DYNC1H1: variants seen among roughly 807,000 people sequenced by gnomAD.
DYNC1H1 encodes cytoplasmic dynein 1 heavy chain 1.
Under a neutral mutation model 527.1 loss-of-function variants are expected in DYNC1H1, and 51 were observed. The ratio of observed to expected loss-of-function variants is 0.10; its 90% confidence interval spans 0.08 to 0.12. The LOEUF is 0.12. DYNC1H1 is among the 10% of genes least tolerant of loss of function. The pLI, the probability that DYNC1H1 is intolerant of heterozygous loss-of-function variation, is 1.00. For synonymous variants in DYNC1H1, 2,189 were observed against 2,278.8 expected (o/e 0.96, Z 1.12); for missense variants, 2,771 against 5,971.8 (o/e 0.46, Z 17.66).
In DYNC1H1 at chr14:102,005,615, A is replaced by G. The variant is rs1045083089; in HGVS notation, c.5434-273A>G. On this transcript the variant is annotated intron_variant, in intron 26 of 77. Coordinates refer to ENST00000360184, the MANE Select transcript of DYNC1H1 (RefSeq NM_001376.5). The surrounding 1 kb of genome is among the most constrained non-coding windows in gnomAD (Gnocchi z 4.0). ...ATAGACGTCAGAAAGCTAGTCTTCCATGATGTTTTAGAATGGTTGCAGAAT... is the reference window on the plus strand; with the variant it reads ...ATAGACGTCAGAAAGCTAGTCTTCCGTGATGTTTTAGAATGGTTGCAGAAT... Among the ~76,000 whole-genome samples the G allele has an allele frequency of 3.9e-5, 6 of 152,246 alleles. No individual in the cohort carries two copies. Among genetic ancestry groups the G allele is most frequent in the South Asian group, 2.1e-4 (1 of 4,838 alleles).
In DYNC1H1 at chr14:101,995,413, CA is replaced by C; in HGVS notation, c.3564+114del. 12 of 1,322,926 alleles carry C rather than the reference CA, an allele frequency of 9.1e-6. No homozygotes were observed. In the South Asian group the frequency reaches 1.3e-4, roughly 14 times the overall value. The allele number at this position is 1,322,926 out of a possible 1,614,324, so 81.9% of individuals were successfully genotyped here. A position where few individuals can be genotyped will look rare whatever the true frequency, so the allele number is the denominator to read the frequency against. Reference sequence around the variant, plus strand: ...GATCACGAGGTCAGGAGATCGAGACCATCCTGGCTAACACGGTGAAATGCTG... The same window carrying C: ...GATCACGAGGTCAGGAGATCGAGACCTCCTGGCTAACACGGTGAAATGCTG... On this transcript the variant is annotated intron_variant, in intron 15 of 77. Transcript: ENST00000360184.
intron 43 of DYNC1H1, among the ~76,000 whole-genome samples, chr14:102,025,897 C>T (rs745684125): frequency 1.2e-4 from 18 of 151,992 alleles, no homozygotes; most frequent in Non-Finnish European, 2.4e-4. Flanking sequence ...ACCGGCAGAT[C>T]ACAAGGTCAA....
rs1064797194 is a variant in DYNC1H1, at chr14:102,048,657, G to A, written c.13360G>A (p.Glu4454Lys). Reference protein sequence around the residue: ...QTNYLRTLINELVKGILPRSW... With the variant: ...QTNYLRTLINKLVKGILPRSW... ...CAACTACTTGCGCACGCTGATCAAC[G>A]AGCTAGTGAAAGGTGCGTGAGAGGC... Residue 4454 changes from glutamate to lysine, a missense_variant, in exon 74 of 78, where the codon GAG becomes AAG. Physicochemically the swap from Glu to Lys is moderately conservative, Grantham distance 56. Around this residue, in one of 32 missense-constraint regions of DYNC1H1, gnomAD observed 170 missense variants for 249.8 expected, o/e 0.68. Transcript: ENST00000360184. The A allele has an allele frequency of 6.2e-7, 1 of 1,613,268 alleles. No homozygotes were observed. Among genetic ancestry groups the A allele is most frequent in the Non-Finnish European group, 8.5e-7 (1 of 1,179,994 alleles).
At position 102,010,718 on chromosome 14, in the gene DYNC1H1, C is replaced by T; in HGVS notation, c.6406-22C>T. The T allele has an allele frequency of 6.2e-7, 1 of 1,611,904 alleles. No individual in the cohort carries two copies. The highest frequency in any genetic ancestry group is 2.2e-5 in the East Asian group (1 of 44,890). ...TACTTGAGCCATGCTGCGCTGCTCA[C>T]AGCCCAGCCCTCTCCCCGTAGATTC... is the stretch of plus-strand genomic sequence containing the variant. On this transcript the variant is annotated intron_variant, in intron 31 of 77. Coordinates refer to ENST00000360184, the MANE Select transcript of DYNC1H1 (RefSeq NM_001376.5). The surrounding 1 kb of genome is among the most constrained non-coding windows in gnomAD (Gnocchi z 6.0).
At chr14:101,971,537 G>A (rs1314620806) in intron 1 of DYNC1H1, among the ~76,000 whole-genome samples, 1 of 152,084 alleles carries the variant, frequency 6.6e-6, no homozygotes, top group Non-Finnish European at 1.5e-5. Context: ...GACCAGCCTG[G>A]GCAACATGGA....
rs546576438 is a variant in DYNC1H1 at position 102,006,297 on chromosome 14, C to T, written c.5716+127C>T. ...TCGCCCAGGCTGGAGCACAGTGGTG[C>T]GATCTTGGCTCACTGCAAGCTCCAC... On this transcript the variant is annotated intron_variant, in intron 27 of 77. Transcript: ENST00000360184. 1.2e-4 allele frequency: 170 copies of T among 1,393,068 alleles called. No homozygotes were observed. In the African/African-American group the frequency reaches 1.9e-3, roughly 16 times the overall value. The allele number at this position is 1,393,068 out of a possible 1,614,324, so 86.3% of individuals were successfully genotyped here.
chr14:101,989,629 T>A (rs2047974270), intron 10 of DYNC1H1, among the ~76,000 whole-genome samples: 1 of 152,226 alleles, frequency 6.6e-6, no homozygotes, highest in Non-Finnish European at 1.5e-5. Flanking sequence ...GGAGAAACAG[T>A]TGGCTTTTTT....
intron 4 of DYNC1H1, 79 bp downstream of exon 4, chr14:101,980,053 G>T: frequency 1.2e-6 from 2 of 1,602,944 alleles, no homozygotes; most frequent in South Asian, 1.1e-5. Flanking sequence ...GATTTTGTAA[G>T]TGAGGTAAAT....
Position 102,039,364 on chromosome 14 carries a change from C to CGGGGTGCCGAGG in DYNC1H1, c.11461-46_11461-35dup, listed in dbSNP as rs17512797. 2,812 of 1,613,854 alleles carry CGGGGTGCCGAGG rather than the reference C, an allele frequency of 1.7e-3. 4 individuals carry two copies. The highest frequency in any genetic ancestry group is 2.3e-3 in the Non-Finnish European group (2,688 of 1,180,034). ...GCTCCTTGGCCACGCAGAAGTTCAG[C>CGGGGTGCCGAGG]GGGGTGCCGAGGGAGCTGCCTCACC... On this transcript the variant is annotated intron_variant, in intron 60 of 77. Coordinates refer to ENST00000360184, the MANE Select transcript of DYNC1H1 (RefSeq NM_001376.5). This position sits in a 1 kb window ranked among gnomAD's most constrained non-coding sequence, Gnocchi z 7.0.
intron 1 of DYNC1H1, among the ~76,000 whole-genome samples, chr14:101,970,568 C>T (rs1426066008): frequency 3.3e-5 from 5 of 150,134 alleles, no homozygotes; most frequent in Admixed American, 2.0e-4. Context: ...CTGCAACCCC[C>T]GCCTCCTGGG....
In DYNC1H1 at chr14:102,055,172, G is replaced by A. The variant is rs1157297022; in HGVS notation, c.*4609G>A. On this transcript the variant is annotated 3_prime_UTR_variant, in exon 78 of 78. Transcript: ENST00000360184. ...CTCTCTCTTCCACCCCTGGAAGTCAGCTTTCTGACCTCAGAATCCCAGCTA... is the reference window on the plus strand; with the variant it reads ...CTCTCTCTTCCACCCCTGGAAGTCAACTTTCTGACCTCAGAATCCCAGCTA... 6.6e-6 allele frequency: 1 copy of A among 152,146 alleles called. No individual in the cohort carries two copies. The highest frequency in any genetic ancestry group is 1.9e-4 in the East Asian group (1 of 5,176). The allele number at this position is 152,146 out of a possible 1,614,324, so 9.4% of individuals were successfully genotyped here.
chr14:101,996,665 A>G (rs1482889464), intron 15 of DYNC1H1, among the ~76,000 whole-genome samples: 1 of 152,162 alleles, frequency 6.6e-6, no homozygotes, highest in East Asian at 1.9e-4. Context: ...CCTGTCACCC[A>G]GGCTGGAGTG....
chr14:102,006,821 A>G (rs987114252), intron 27 of DYNC1H1, among the ~76,000 whole-genome samples, 187 bp from the exon 28 acceptor site: 3 of 151,598 alleles, frequency 2.0e-5, no homozygotes, highest in African/African-American at 7.3e-5. Context: ...GCTGGTCTCG[A>G]ACTCCTGACC....
rs775413114 is a variant in DYNC1H1 at position 101,979,418 on chromosome 14, T to G, written c.444T>G (p.Thr148=). ...TCAGTGAAGACTCGCCCTACGAAAC[T>G]TTGCATTCTTTCATTAGCAATGCAG... is the stretch of plus-strand genomic sequence containing the variant. ...LTLSEDSPYE[T]LHSFISNAVA... Residue 148 remains threonine (T), a synonymous_variant, in exon 3 of 78, where the codon ACT becomes ACG. Coordinates refer to ENST00000360184, the MANE Select transcript of DYNC1H1 (RefSeq NM_001376.5). The surrounding 1 kb of genome is among the most constrained non-coding windows in gnomAD (Gnocchi z 4.6). The G allele has an allele frequency of 6.2e-7, 1 of 1,614,208 alleles. No homozygotes were observed. Among genetic ancestry groups the G allele is most frequent in the South Asian group, 1.1e-5 (1 of 91,090 alleles).
chr14:102,020,202 A>T lies in DYNC1H1; in HGVS notation c.8507+146A>T. ...TGGAAGGAGCAGAGTCAGCCAGGGC[A>T]GCCTCCCGTCTGGACACTGGTCACA... On this transcript the variant is annotated intron_variant, in intron 42 of 77. Coordinates refer to ENST00000360184, the MANE Select transcript of DYNC1H1 (RefSeq NM_001376.5). The surrounding 1 kb of genome is among the most constrained non-coding windows in gnomAD (Gnocchi z 4.3). 1 of 1,154,834 alleles carries T rather than the reference A, an allele frequency of 8.7e-7. No homozygotes were observed. The highest frequency in any genetic ancestry group is 2.6e-5 in the East Asian group (1 of 38,968). The allele number at this position is 1,154,834 out of a possible 1,614,324, so 71.5% of individuals were successfully genotyped here. A position where few individuals can be genotyped will look rare whatever the true frequency, so the allele number is the denominator to read the frequency against.
chr14:101,986,436 T>A lies in DYNC1H1; in HGVS notation c.2211T>A (p.Val737=), dbSNP rs149902566. ...GRTGNVLKLK[V]NFLPEIITLS... ...CTGGAAATGTGCTTAAGCTGAAAGT[T>A]AACTTTCTTCCTGAGATTATCACAC... Residue 737 remains valine (V), a synonymous_variant, in exon 8 of 78, where the codon GTT becomes GTA. Transcript: ENST00000360184. This position sits in a 1 kb window ranked among gnomAD's most constrained non-coding sequence, Gnocchi z 8.7. The A allele has an allele frequency of 2.5e-4, 410 of 1,614,022 alleles. No homozygotes were observed. The highest frequency in any genetic ancestry group is 3.4e-4 in the Non-Finnish European group (402 of 1,180,024).
chr14:102,012,286 C>T lies in DYNC1H1; in HGVS notation c.6858-28C>T, dbSNP rs989334853. ...AATGTTAAAATCTTGATTTAATCAGCAGCTATTTTAAAATCCTTCCCAACC... is the reference window on the plus strand; with the variant it reads ...AATGTTAAAATCTTGATTTAATCAGTAGCTATTTTAAAATCCTTCCCAACC... On this transcript the variant is annotated intron_variant, in intron 33 of 77. Transcript: ENST00000360184. This position sits in a 1 kb window ranked among gnomAD's most constrained non-coding sequence, Gnocchi z 4.9. The T allele has an allele frequency of 2.5e-6, 4 of 1,614,044 alleles. No individual in the cohort carries two copies. The Admixed American group carries it at 5.0e-5, about 20-fold the overall frequency.
chr14:102,007,174 G>C (rs894007547), intron 28 of DYNC1H1, 66 bp downstream of exon 28: 17 of 1,531,260 alleles, frequency 1.1e-5, no homozygotes, highest in Middle Eastern at 1.7e-4. Flanking sequence ...GGAATATCAA[G>C]CTCCGTACCT....
Position 102,040,395 on chromosome 14 carries a change from G to T in DYNC1H1, c.11850G>T (p.Lys3950Asn), listed in dbSNP as rs751725085. 7 of 1,614,222 alleles carry T rather than the reference G, an allele frequency of 4.3e-6. No individual in the cohort carries two copies. In the South Asian group the frequency reaches 6.6e-5, roughly 15 times the overall value. ...CCGCGTTTAAGGACTTGATTGCAAAGGTTCAGGCAGACGAGGTGATTGTTC... is the reference window on the plus strand; with the variant it reads ...CCGCGTTTAAGGACTTGATTGCAAATGTTCAGGCAGACGAGGTGATTGTTC... ...CLPAFKDLIA[K>N]VQADEQFGIW... Residue 3950 changes from lysine to asparagine, a missense_variant, in exon 63 of 78, where the codon AAG (lysine) becomes AAT (asparagine). Lys to Asn is a moderately conservative substitution (Grantham distance 94, BLOSUM62 0). Coordinates refer to ENST00000360184, the MANE Select transcript of DYNC1H1 (RefSeq NM_001376.5).
Sources: allele counts gnomAD v4.1 joint callset (sites outside exome capture counted in the v4.1 genomes callset), GRCh38; gene constraint gnomAD v4.1.1; regional missense constraint gnomAD v4.1.1; non-coding constraint Gnocchi (gnomAD v3.1); transcripts MANE v1.5; gene names NCBI Gene and HGNC (gene_info 2026-07-23, HGNC 2026-07-21).